Variants in ADARB1 observed in about 807,000 individuals in gnomAD.
The protein encoded by ADARB1 is double-stranded RNA-specific editase 1.
In ADARB1, 10 loss-of-function variants were observed where a neutral mutation model predicts 52.4. The ratio of observed to expected loss-of-function variants is 0.19; its 90% CI spans 0.12 to 0.32. ADARB1 has a LOEUF of 0.32. ADARB1 is among the 10% of genes least tolerant of loss of function. The pLI, the probability that ADARB1 is intolerant of heterozygous loss-of-function variation, is 1.00. For missense variants in ADARB1, 643 were observed against 922.3 expected (o/e 0.70, Z 3.92); for synonymous variants, 349 against 371.1 (o/e 0.94, Z 0.68).
chr21:45,086,678 C>T (rs1016648246), intron 1 of ADARB1, among the ~76,000 whole-genome samples: 1 of 152,176 alleles, frequency 6.6e-6, no homozygotes, highest in Non-Finnish European at 1.5e-5. Flanking sequence ...TCCTTTTAGT[C>T]GTATTGGCGT....
Position 45,204,701 on chromosome 21 carries a change from C to T in ADARB1, c.1712C>T (p.Pro571Leu). The T allele has an allele frequency of 6.2e-7, 1 of 1,614,054 alleles. No homozygotes were observed. Among genetic ancestry groups the T allele is most frequent in the Non-Finnish European group, 8.5e-7 (1 of 1,179,998 alleles). Residue 571 changes from proline to leucine, a missense_variant, in exon 9 of 11, where the codon CCA becomes CTA. Coordinates refer to ENST00000348831, the MANE Select transcript of ADARB1 (RefSeq NM_001112.4). This position sits in a 1 kb window ranked among gnomAD's most constrained non-coding sequence, Gnocchi z 4.4. ...CGGATCTCCAACATAGAGGACCTGC[C>T]ACCTCTCTACACCCTCAACAAGCCT... ...YQRISNIEDLPPLYTLNKPLL... is the reference protein window; with the variant it reads ...YQRISNIEDLLPLYTLNKPLL...
chr21:45,137,742 G>A (rs1202519568), intron 2 of ADARB1, among the ~76,000 whole-genome samples: 3 of 151,982 alleles, frequency 2.0e-5, no homozygotes, highest in Non-Finnish European at 4.4e-5. Flanking sequence ...GGCACTGTGA[G>A]GAAAGTGGGG....
At chr21:45,210,653 C>T (rs1022711740) in intron 9 of ADARB1, among the ~76,000 whole-genome samples, 7 of 152,322 alleles carry the variant, frequency 4.6e-5, no homozygotes, top group East Asian at 1.9e-4. Flanking sequence ...TGGAAGCAGC[C>T]GCAGCCGGCA....
intron 1 of ADARB1, among the ~76,000 whole-genome samples, chr21:45,117,574 T>TA (rs111492312): frequency 0.021 from 2,995 of 144,244 alleles, 48 homozygotes; most frequent in East Asian, 0.049. Context: ...CTTTCACAGT[T>TA]AAAAAAAAAA....
chr21:45,104,695 C>T (rs2087170287), intron 1 of ADARB1, among the ~76,000 whole-genome samples: 1 of 152,224 alleles, frequency 6.6e-6, no homozygotes, highest in Non-Finnish European at 1.5e-5. Context: ...AGGGAAATGT[C>T]AGCAGTGGCA....
intron 1 of ADARB1, among the ~76,000 whole-genome samples, chr21:45,124,922 C>A (rs954961738): frequency 6.6e-6 from 1 of 151,888 alleles, no homozygotes; most frequent in African/African-American, 2.4e-5. Context: ...CCTCAGCCTC[C>A]GAAGTAGCTG....
chr21:45,123,336 C>T (rs538678678), intron 1 of ADARB1, among the ~76,000 whole-genome samples: 1 of 152,092 alleles, frequency 6.6e-6, no homozygotes, highest in Non-Finnish European at 1.5e-5. Flanking sequence ...CAATGTTTTG[C>T]TCTGTGGCCC....
chr21:45,176,182 G>A lies in ADARB1; in HGVS notation c.481G>A (p.Val161Ile). The A allele has an allele frequency of 6.2e-7, 1 of 1,614,210 alleles. No individual in the cohort carries two copies. The highest frequency in any genetic ancestry group is 1.3e-5 in the African/African-American group (1 of 75,048). The change falls in exon 4 of 11, where the codon GTC becomes ATC. Residue 161 changes from valine (V) to isoleucine (I), a missense_variant. By Grantham distance (29) the Val-to-Ile change is conservative. Coordinates refer to ENST00000348831, the MANE Select transcript of ADARB1 (RefSeq NM_001112.4). The surrounding 1 kb of genome is among the most constrained non-coding windows in gnomAD (Gnocchi z 5.8). The part of the protein sequence containing the change: ...AHLAMGRTLS[V>I]NTDFTSDQAD... Reference sequence around the variant, plus strand: ...CCTGGCCATGGGGAGGACCCTGTCTGTCAACACGGACTTCACATCTGACCA... The same window carrying A: ...CCTGGCCATGGGGAGGACCCTGTCTATCAACACGGACTTCACATCTGACCA...
intron 8 of ADARB1, among the ~76,000 whole-genome samples, chr21:45,202,427 C>T (rs2092574862): frequency 6.6e-6 from 1 of 152,122 alleles, no homozygotes; most frequent in South Asian, 2.1e-4. Context: ...TGCTGCCTAC[C>T]CCACTTGCCA....
chr21:45,167,199 C>G (rs754591163), intron 2 of ADARB1, among the ~76,000 whole-genome samples: 1 of 152,134 alleles, frequency 6.6e-6, no homozygotes, highest in Non-Finnish European at 1.5e-5. Flanking sequence ...TTTTCTACTG[C>G]GAGACATTTT....
chr21:45,197,359 G>A (rs2146303103), intron 8 of ADARB1, among the ~76,000 whole-genome samples: 1 of 152,098 alleles, frequency 6.6e-6, no homozygotes, highest in East Asian at 1.9e-4. Context: ...AATTAGCCGG[G>A]CATGGTGGCA....
chr21:45,103,045 A>G (rs556866747), intron 1 of ADARB1, among the ~76,000 whole-genome samples: 2 of 152,294 alleles, frequency 1.3e-5, no homozygotes, highest in South Asian at 2.1e-4. Flanking sequence ...TTCCTGTACC[A>G]TGAGAAAAAC....
At chr21:45,112,496 G>T (rs2087587723) in intron 1 of ADARB1, among the ~76,000 whole-genome samples, 1 of 151,700 alleles carries the variant, frequency 6.6e-6, no homozygotes. Context: ...GGGGTCGGGG[G>T]TGAGCCTTCC....
chr21:45,115,016 A>T (rs13052318), intron 1 of ADARB1, among the ~76,000 whole-genome samples: 1 of 152,204 alleles, frequency 6.6e-6, no homozygotes, highest in Non-Finnish European at 1.5e-5. Context: ...AAGTGGCATG[A>T]TCTTTTGGGA....
At chr21:45,152,818 A>C (rs889329174) in intron 2 of ADARB1, 3 of 181,510 alleles carry the variant, frequency 1.7e-5, no homozygotes, top group African/African-American at 7.2e-5. Context: ...GATGCCAGTT[A>C]CTTCCTATTT....
Position 45,111,165 on chromosome 21 carries a change from A to T in ADARB1, c.-219-17237A>T, listed in dbSNP as rs530445320. Among the ~76,000 whole-genome samples the T allele has an allele frequency of 5.9e-5, 9 of 152,298 alleles. No individual in the cohort carries two copies. The South Asian group carries it at 1.7e-3, about 28-fold the overall frequency. ...AGCACACGGAGCGCTGCAGTCCCTG[A>T]AGGCTTCCTCAGGCTCCTCCTGTTG... On this transcript the variant is annotated intron_variant, in intron 1 of 10. Transcript: ENST00000348831.
chr21:45,199,931 A>G (rs4392344), intron 8 of ADARB1, among the ~76,000 whole-genome samples: 3,843 of 152,288 alleles, frequency 0.025, 157 homozygotes, highest in African/African-American at 0.088. Context: ...TTCAGATCCA[A>G]GCCTTTTATT....
intron 1 of ADARB1, among the ~76,000 whole-genome samples, chr21:45,112,450 C>G (rs1350938740): frequency 2.0e-5 from 3 of 151,924 alleles, no homozygotes; most frequent in African/African-American, 7.3e-5. Flanking sequence ...CTTCCCTCTT[C>G]TCTTCCCTGG....
At chr21:45,104,812 A>G (rs2087175691) in intron 1 of ADARB1, among the ~76,000 whole-genome samples, 1 of 152,128 alleles carries the variant, frequency 6.6e-6, no homozygotes, top group Non-Finnish European at 1.5e-5. Flanking sequence ...GCAGCTCCAC[A>G]CCTGCTCTTT....
Sources: allele counts gnomAD v4.1 joint callset (sites outside exome capture counted in the v4.1 genomes callset), GRCh38; gene constraint gnomAD v4.1.1; non-coding constraint Gnocchi (gnomAD v3.1); transcripts MANE v1.5; gene names NCBI Gene and HGNC (gene_info 2026-07-23, HGNC 2026-07-21).